STRIP2: variants seen among roughly 807,000 people sequenced by gnomAD.
The protein encoded by STRIP2 is striatin-interacting protein 2.
Under a neutral mutation model 107.1 loss-of-function variants are expected in STRIP2, and 84 were observed. That is an observed-to-expected ratio of 0.78 (90% CI 0.66 to 0.94). STRIP2 has a LOEUF of 0.94. Ranked by LOEUF, STRIP2 falls within the 40% of genes least tolerant of loss-of-function variation. STRIP2 has a pLI of 0.00. For missense variants in STRIP2, 888 were observed against 1,034.2 expected, an observed-to-expected ratio of 0.86 and a Z score of 1.94; for synonymous variants, 394 against 400.4, an observed-to-expected ratio of 0.98 and a Z score of 0.19.
At chr7:129,477,970 G>A in intron 18 of STRIP2, 1 of 514,716 alleles carries the variant, frequency 1.9e-6, no homozygotes, top group Non-Finnish European at 3.9e-6. Flanking sequence ...GAATATTGTG[G>A]GGATTTGATC....
At chr7:129,464,305 C>T (rs961822558) in intron 15 of STRIP2, among the ~76,000 whole-genome samples, 164 bp downstream of exon 15, 12 of 151,970 alleles carry the variant, frequency 7.9e-5, no homozygotes, top group Non-Finnish European at 1.8e-4. Context: ...TTCTGCTTGG[C>T]TCTTTTTAGC....
chr7:129,443,781 G>GT (rs1797963862), intron 2 of STRIP2, among the ~76,000 whole-genome samples: 1 of 152,196 alleles, frequency 6.6e-6, no homozygotes, highest in South Asian at 2.1e-4. Context: ...CTCACCAAAT[G>GT]TTGAAGGCTG....
At chr7:129,467,555 T>C (rs1234144815) in intron 17 of STRIP2, 105 bp downstream of exon 17, 2 of 699,872 alleles carry the variant, frequency 2.9e-6, no homozygotes, top group East Asian at 5.5e-5. Flanking sequence ...TAGTCCCTCC[T>C]GTCTTAGAGC....
intron 7 of STRIP2, among the ~76,000 whole-genome samples, chr7:129,455,032 C>T (rs1584947353): frequency 6.6e-6 from 1 of 152,264 alleles, no homozygotes; most frequent in Non-Finnish European, 1.5e-5. Flanking sequence ...ACCCTAAGCT[C>T]TGGGGCCTAT....
chr7:129,473,067 A>G (rs13247598), intron 18 of STRIP2, among the ~76,000 whole-genome samples: 30,392 of 151,906 alleles, frequency 0.2, 3,926 homozygotes, highest in Non-Finnish European at 0.28. Flanking sequence ...GATTATAGGC[A>G]TGAGCCACAA....
intron 18 of STRIP2, chr7:129,477,961 A>T: frequency 1.9e-6 from 1 of 517,396 alleles, no homozygotes; most frequent in Non-Finnish European, 3.9e-6. Flanking sequence ...ATGTCCAAGG[A>T]ATATTGTGGG....
At chr7:129,440,120 G>A (rs1470574058) in intron 2 of STRIP2, 29 bp downstream of exon 2, 1 of 1,596,406 alleles carries the variant, frequency 6.3e-7, no homozygotes, top group Admixed American at 1.7e-5. Flanking sequence ...AGTAGCTAGT[G>A]GAAGAATGGC....
intron 3 of STRIP2, among the ~76,000 whole-genome samples, chr7:129,448,739 G>T (rs1171722725): frequency 1.3e-5 from 2 of 152,146 alleles, no homozygotes; most frequent in Non-Finnish European, 2.9e-5. Flanking sequence ...TGATGGTCGA[G>T]TGCTTCCACT....
Position 129,437,435 on chromosome 7 carries a change from TA to T in STRIP2, c.130-2576del, listed in dbSNP as rs111422796. On this transcript the variant is annotated intron_variant, in intron 1 of 20. Transcript: ENST00000249344. ...CCTGGGTGAGAGGAAGACCCTGTCT[TA>T]AAAAAAAAAAGAAAAGAAAGAGAAT... Among the ~76,000 whole-genome samples, 1,092 of 144,252 alleles carry T rather than the reference TA, an allele frequency of 7.6e-3. 13 individuals are homozygous for T. The highest frequency in any genetic ancestry group is 0.025 in the African/African-American group (979 of 39,566). 94.6% of individuals were successfully genotyped at this position (144,252 alleles called of 152,430 possible).
chr7:129,444,417 A>T (rs949091337), intron 3 of STRIP2, among the ~76,000 whole-genome samples: 2 of 152,200 alleles, frequency 1.3e-5, no homozygotes, highest in Non-Finnish European at 2.9e-5. Flanking sequence ...CAGGAGAAAG[A>T]TGTAGGCTGA....
Position 129,434,832 on chromosome 7 carries a change from T to C in STRIP2, c.129+231T>C, listed in dbSNP as rs1009466229. ...TTCTAGCCCTCTGGCTTTCCCCCGC[T>C]GCGCGAAGATGAGCGCGGTATTGAG... On this transcript the variant is annotated intron_variant, in intron 1 of 20. Coordinates refer to ENST00000249344, the MANE Select transcript of STRIP2 (RefSeq NM_020704.3). 4.6e-5 allele frequency among the ~76,000 whole-genome samples: 7 copies of C among 152,378 alleles called. 1 individual carries two copies. The highest frequency in any genetic ancestry group is 4.1e-4 in the South Asian group (2 of 4,834).
chr7:129,454,266 C>A, intron 6 of STRIP2, 56 bp downstream of exon 6: 1 of 1,579,744 alleles, frequency 6.3e-7, no homozygotes, highest in Non-Finnish European at 8.7e-7. Flanking sequence ...ACCTGGGTTA[C>A]CTTTTCCCCA....
intron 16 of STRIP2, 31 bp from the exon 17 acceptor site, chr7:129,467,319 G>A (rs1292253943): frequency 1.2e-5 from 18 of 1,501,900 alleles, no homozygotes; most frequent in Non-Finnish European, 1.5e-5. Flanking sequence ...CTCCAAATAA[G>A]CAGCCCTTTC....
chr7:129,474,501 T>C (rs1272615802), intron 18 of STRIP2, among the ~76,000 whole-genome samples: 3 of 151,952 alleles, frequency 2.0e-5, no homozygotes, highest in Non-Finnish European at 4.4e-5. Context: ...TTTAGATTCC[T>C]AGAAGTGGAA....
At chr7:129,437,669 T>C (rs1040962361) in intron 1 of STRIP2, among the ~76,000 whole-genome samples, 2 of 152,140 alleles carry the variant, frequency 1.3e-5, no homozygotes, top group Non-Finnish European at 1.5e-5. Context: ...TTAAAGTCCT[T>C]ACCTATCAGA....
intron 18 of STRIP2, among the ~76,000 whole-genome samples, chr7:129,479,274 CAA>C (rs10558220): frequency 0.014 from 1,899 of 135,690 alleles, 13 homozygotes; most frequent in African/African-American, 0.027. Flanking sequence ...AACTCTGTCT[CAA>C]AAAAAAAAAA....
chr7:129,454,283 A>C, intron 6 of STRIP2, 73 bp downstream of exon 6: 1 of 1,541,312 alleles, frequency 6.5e-7, no homozygotes, highest in East Asian at 2.2e-5. Context: ...CCCAAATCCC[A>C]GATGACTCAG....
intron 3 of STRIP2, among the ~76,000 whole-genome samples, chr7:129,448,291 C>T (rs1001226699): frequency 1.3e-4 from 20 of 152,162 alleles, no homozygotes; most frequent in Non-Finnish European, 2.9e-5. Flanking sequence ...AGCTCAGAGC[C>T]AGTGTCCAGT....
intron 1 of STRIP2, among the ~76,000 whole-genome samples, chr7:129,436,306 G>A (rs1797736970): frequency 6.6e-6 from 1 of 152,150 alleles, no homozygotes; most frequent in African/African-American, 2.4e-5. Context: ...TTCTATGGGG[G>A]GAATAAAAGT....
Sources: allele counts gnomAD v4.1 joint callset (sites outside exome capture counted in the v4.1 genomes callset), GRCh38; gene constraint gnomAD v4.1.1; transcripts MANE v1.5; gene names NCBI Gene and HGNC (gene_info 2026-07-23, HGNC 2026-07-21).